The following GNAL variants were observed in gnomAD, a reference collection of about 807,000 sequenced individuals.
GNAL encodes G protein subunit alpha L.
Under a neutral mutation model 55.1 loss-of-function variants are expected in GNAL, and 18 were observed. That is an observed-to-expected ratio of 0.33 (90% CI 0.23 to 0.48). The LOEUF (loss-of-function observed/expected upper bound fraction) is 0.48, where lower values mean the gene tolerates loss of function less well. Ranked by LOEUF, GNAL falls within the 20% of genes least tolerant of loss-of-function variation. GNAL has a pLI of 0.99. For synonymous variants in GNAL, 253 were observed against 237.0 expected, an observed-to-expected ratio of 1.07 and a Z score of -0.62; for missense variants, 412 against 614.1, an observed-to-expected ratio of 0.67 and a Z score of 3.48.
Position 11,880,997 on chromosome 18 carries a change from C to T in GNAL, c.1239C>T (p.Ser413=). Reference sequence around the variant, plus strand: ...CACGCTCTCTCTTGCAGAGGATCAGCACGGCCACCGGTGACGGCAAACATT... The same window carrying T: ...CACGCTCTCTCTTGCAGAGGATCAGTACGGCCACCGGTGACGGCAAACATT... ...FFIRDLFLRI[S]TATGDGKHYC... The change falls in exon 12 of 12, where the codon AGC becomes AGT. Residue 413 remains serine, a synonymous_variant. Coordinates refer to ENST00000334049, the MANE Select transcript of GNAL (RefSeq NM_182978.4). 6.2e-7 allele frequency: 1 copy of T among 1,613,866 alleles called. No homozygotes were observed. Among genetic ancestry groups the T allele is most frequent in the Non-Finnish European group, 8.5e-7 (1 of 1,179,856 alleles).
chr18:11,733,378 G>A (rs1349410234), intron 1 of GNAL, among the ~76,000 whole-genome samples: 4 of 152,238 alleles, frequency 2.6e-5, no homozygotes, highest in African/African-American at 9.6e-5. Flanking sequence ...GAGCAGAAGC[G>A]AAACTGGGGA....
At chr18:11,711,694 G>C (rs1049630595) in intron 1 of GNAL, among the ~76,000 whole-genome samples, 12 of 152,150 alleles carry the variant, frequency 7.9e-5, no homozygotes, top group Non-Finnish European at 1.6e-4. Context: ...TTCTTTGTCT[G>C]ATCTCTGTCT....
At chr18:11,842,098 G>A (rs577077370) in intron 5 of GNAL, among the ~76,000 whole-genome samples, 7 of 151,734 alleles carry the variant, frequency 4.6e-5, no homozygotes, top group East Asian at 1.9e-4. Context: ...TCAGCCTCCC[G>A]AGTAGCTGGG....
intron 5 of GNAL, among the ~76,000 whole-genome samples, chr18:11,846,072 T>C (rs969198001): frequency 6.6e-6 from 1 of 152,086 alleles, no homozygotes; most frequent in African/African-American, 2.4e-5. Flanking sequence ...TCCAGCTTTA[T>C]AAATGAGGAA....
intron 1 of GNAL, among the ~76,000 whole-genome samples, chr18:11,725,728 T>A (rs1440836166): frequency 6.6e-6 from 1 of 152,252 alleles, no homozygotes; most frequent in Non-Finnish European, 1.5e-5. Flanking sequence ...GTAAAGCTGC[T>A]GTGAGCATTC....
intron 4 of GNAL, among the ~76,000 whole-genome samples, chr18:11,764,316 A>G (rs1183855345): frequency 6.6e-6 from 1 of 152,092 alleles, no homozygotes; most frequent in South Asian, 2.1e-4. Flanking sequence ...TATGTTGGCC[A>G]GGCTGGTCTC....
At position 11,851,907 on chromosome 18, in the gene GNAL, G is replaced by A. The variant is rs981760833; in HGVS notation, c.723-10488G>A. On this transcript the variant is annotated intron_variant, in intron 5 of 11. Transcript: ENST00000334049. ...CTCTGGACGTCCAGACGCAGCAAAT[G>A]GAAGACACGATGAGCAGCACGACGA... The A allele has an allele frequency of 2.5e-6, 4 of 1,613,826 alleles. No individual in the cohort carries two copies. Among genetic ancestry groups the A allele is most frequent in the Admixed American group, 3.3e-5 (2 of 60,012 alleles).
chr18:11,733,542 A>G (rs552462778), intron 1 of GNAL, among the ~76,000 whole-genome samples: 118 of 152,320 alleles, frequency 7.7e-4, no homozygotes, highest in African/African-American at 2.8e-3. Context: ...CAAGTCCATC[A>G]ACGGATGACT....
Position 11,739,669 on chromosome 18 carries a change from G to A in GNAL, c.377-13184G>A, listed in dbSNP as rs78129820. On this transcript the variant is annotated intron_variant, in intron 1 of 11. Coordinates refer to ENST00000334049, the MANE Select transcript of GNAL (RefSeq NM_182978.4). ...TTTTTTTTTAATTTTAGGTTTGCCC[G>A]ATGTTTCCTCCTGACTTAAATTCAG... Among the ~76,000 whole-genome samples, 875 of 150,628 alleles carry A rather than the reference G, an allele frequency of 5.8e-3. 60 individuals carry two copies. In the East Asian group the frequency reaches 0.14, roughly 25 times the overall value.
chr18:11,779,360 A>G (rs2033868114), intron 4 of GNAL, among the ~76,000 whole-genome samples: 1 of 152,210 alleles, frequency 6.6e-6, no homozygotes. Context: ...CATTACATAT[A>G]TGTGGTAATG....
In GNAL at chr18:11,726,360, T is replaced by G. The variant is rs143947919; in HGVS notation, c.377-26493T>G. On this transcript the variant is annotated intron_variant, in intron 1 of 11. Coordinates refer to ENST00000334049, the MANE Select transcript of GNAL (RefSeq NM_182978.4). ...TTTAGGATTCTTAGGAACCTAGATT[T>G]CTTGGATTCTCTATTGTCATTTCTG... 2.6e-5 allele frequency among the ~76,000 whole-genome samples: 4 copies of G among 152,370 alleles called. No homozygotes were observed. The East Asian group carries it at 7.7e-4, about 29-fold the overall frequency.
intron 4 of GNAL, among the ~76,000 whole-genome samples, chr18:11,771,232 GA>G (rs931871425): frequency 1.4e-5 from 2 of 144,494 alleles, no homozygotes; most frequent in East Asian, 2.0e-4. Context: ...AAAAAAAAAA[GA>G]AAAAAAGAGA....
At chr18:11,704,310 G>T (rs1271501827) in intron 1 of GNAL, among the ~76,000 whole-genome samples, 1 of 152,228 alleles carries the variant, frequency 6.6e-6, no homozygotes, top group Non-Finnish European at 1.5e-5. Context: ...TGGAATTAGA[G>T]ATTGGAATGC....
At chr18:11,851,843 T>A in intron 5 of GNAL, 1 of 1,613,952 alleles carries the variant, frequency 6.2e-7, no homozygotes, top group Non-Finnish European at 8.5e-7. Flanking sequence ...CTGGAGAAGA[T>A]TTCTGCTTTG....
intron 6 of GNAL, among the ~76,000 whole-genome samples, chr18:11,862,684 C>T (rs566330859): frequency 6.6e-6 from 1 of 152,278 alleles, no homozygotes; most frequent in South Asian, 2.1e-4. Context: ...ATGAGTTTAT[C>T]TGCAGATAAG....
Position 11,868,432 on chromosome 18 carries a change from AT to A in GNAL, c.911-110del. On this transcript the variant is annotated intron_variant, in intron 8 of 11. Transcript: ENST00000334049. The surrounding 1 kb of genome is among the most constrained non-coding windows in gnomAD (Gnocchi z 4.0). ...GGCTGTTCTGTGACTGAATAGTCCT[AT>A]CACTGAATGAATGTTTTTGTGGAAC... The A allele has an allele frequency of 1.1e-6, 1 of 904,040 alleles. No homozygotes were observed. The highest frequency in any genetic ancestry group is 2.5e-5 in the East Asian group (1 of 40,070). The allele number at this position is 904,040 out of a possible 1,614,324, so 56.0% of individuals were successfully genotyped here. A position where few individuals can be genotyped will look rare whatever the true frequency, so the allele number is the denominator to read the frequency against.
At chr18:11,817,996 G>T (rs1224924140) in intron 4 of GNAL, among the ~76,000 whole-genome samples, 1 of 151,548 alleles carries the variant, frequency 6.6e-6, no homozygotes. Context: ...AGCACTTTGG[G>T]AGGCTGAGAC....
intron 1 of GNAL, among the ~76,000 whole-genome samples, chr18:11,734,087 C>T (rs1011975636): frequency 2.0e-5 from 3 of 151,608 alleles, no homozygotes; most frequent in Admixed American, 6.6e-5. Flanking sequence ...TCCAGAGGCT[C>T]GGTGGTTTCT....
rs560726457 is a variant in GNAL at position 11,883,759 on chromosome 18, T to C, written c.*2624T>C. 4.3e-4 allele frequency: 66 copies of C among 152,286 alleles called. No individual in the cohort carries two copies. Among genetic ancestry groups the C allele is most frequent in the African/African-American group, 1.5e-3 (61 of 41,528 alleles). The allele number at this position is 152,286 out of a possible 1,614,324, so 9.4% of individuals were successfully genotyped here. A position where few individuals can be genotyped will look rare whatever the true frequency, so the allele number is the denominator to read the frequency against. ...TTGCCCAGGCTGGAGTGCAGTGGCATGATCTTGGCTCACTGCAACCTCCGC... is the reference window on the plus strand; with the variant it reads ...TTGCCCAGGCTGGAGTGCAGTGGCACGATCTTGGCTCACTGCAACCTCCGC... On this transcript the variant is annotated 3_prime_UTR_variant, in exon 12 of 12. Transcript: ENST00000334049.
Sources: gnomAD v4.1 joint callset for allele counts (sites outside exome capture counted in the v4.1 genomes callset) on GRCh38, gnomAD v4.1.1 for gene constraint, Gnocchi (gnomAD v3.1) non-coding constraint, MANE v1.5 for transcripts, NCBI Gene and HGNC (gene_info 2026-07-23, HGNC 2026-07-21) for gene names.